Variants in SMG6 observed in about 807,000 individuals in gnomAD.
The protein encoded by SMG6 is telomerase-binding protein EST1A.
Under a neutral mutation model 142.2 loss-of-function variants are expected in SMG6, and 66 were observed. The observed-to-expected ratio is 0.46, with a 90% confidence interval of 0.38 to 0.57. The LOEUF (loss-of-function observed/expected upper bound fraction) is 0.57, where lower values mean the gene tolerates loss of function less well. Ranked by LOEUF, SMG6 falls within the 20% of genes least tolerant of loss-of-function variation. The probability of loss-of-function intolerance (pLI) is 0.00; values close to 1 mark genes in which losing one functional copy is unlikely to be tolerated. For missense variants in SMG6, 1,793 were observed against 1,832.0 expected (o/e 0.98, Z 0.39); for synonymous variants, 779 against 702.4 (o/e 1.11, Z -1.72).
intron 13 of SMG6, among the ~76,000 whole-genome samples, chr17:2,172,447 G>GCA (rs146996258): frequency 1.6e-4 from 24 of 151,478 alleles, no homozygotes; most frequent in Non-Finnish European, 1.5e-5. Flanking sequence ...ATGCCAGCAA[G>GCA]CACACACACA....
chr17:2,227,122 G>A (rs916423549), intron 10 of SMG6, among the ~76,000 whole-genome samples: 1 of 152,194 alleles, frequency 6.6e-6, no homozygotes, highest in African/African-American at 2.4e-5. Flanking sequence ...TCTCACTGCT[G>A]GAGGGAATAT....
Position 2,258,038 on chromosome 17 carries a change from TACACACACAC to T in SMG6, c.2662-13329_2662-13320del, listed in dbSNP as rs869173398. On this transcript the variant is annotated intron_variant, in intron 8 of 18. Coordinates refer to ENST00000263073, the MANE Select transcript of SMG6 (RefSeq NM_017575.5). Reference sequence around the variant, plus strand: ...AAAAAAAAAAAAAAAAAAAAAAATATACACACACACACACACACACACACACACATATATA... The same window carrying T: ...AAAAAAAAAAAAAAAAAAAAAAATATACACACACACACACACACATATATA... 9.0e-5 allele frequency among the ~76,000 whole-genome samples: 8 copies of T among 89,288 alleles called. 1 individual carries two copies. Among genetic ancestry groups the T allele is most frequent in the Admixed American group, 2.6e-4 (2 of 7,684 alleles). The allele number at this position is 89,288 out of a possible 152,430, so 58.6% of individuals were successfully genotyped here. A position where few individuals can be genotyped will look rare whatever the true frequency, so the allele number is the denominator to read the frequency against.
intron 10 of SMG6, among the ~76,000 whole-genome samples, chr17:2,199,101 G>C (rs1226610271): frequency 2.6e-5 from 4 of 152,130 alleles, no homozygotes; most frequent in African/African-American, 9.7e-5. Context: ...TGAAGGTGAT[G>C]AGAAAGTGAA....
intron 12 of SMG6, among the ~76,000 whole-genome samples, chr17:2,181,180 A>G (rs2071795105): frequency 6.6e-6 from 1 of 152,248 alleles, no homozygotes; most frequent in African/African-American, 2.4e-5. Flanking sequence ...CAATCTCTCA[A>G]CCAGAGTATT....
intron 10 of SMG6, among the ~76,000 whole-genome samples, chr17:2,224,691 T>C (rs2073267005): frequency 6.6e-6 from 1 of 151,484 alleles, no homozygotes; most frequent in Non-Finnish European, 1.5e-5. Context: ...AAAAAGACAC[T>C]AAGAGTTTTC....
intron 12 of SMG6, among the ~76,000 whole-genome samples, chr17:2,178,664 T>C (rs933535146): frequency 2.6e-5 from 4 of 152,140 alleles, no homozygotes; most frequent in African/African-American, 7.2e-5. Flanking sequence ...GCCCCCAATA[T>C]GTTCGGGGTC....
In SMG6 at chr17:2,300,000, CCTT is replaced by C. The variant is rs1484044327; in HGVS notation, c.750_752del (p.Arg251del). ...TGGTGCTGCGCGTGCGGTAGCGATT[CCTT>C]CGTTTGTCTGAGCGGGAGTAGCGCT... On this transcript the variant is annotated inframe_deletion, in exon 2 of 19. Transcript: ENST00000263073. This position sits in a 1 kb window ranked among gnomAD's most constrained non-coding sequence, Gnocchi z 4.3. 1 of 1,614,038 alleles carries C rather than the reference CCTT, an allele frequency of 6.2e-7. No homozygotes were observed. The highest frequency in any genetic ancestry group is 1.3e-5 in the African/African-American group (1 of 74,946).
intron 8 of SMG6, among the ~76,000 whole-genome samples, chr17:2,260,851 C>T (rs929173795): frequency 2.0e-5 from 3 of 151,612 alleles, no homozygotes; most frequent in African/African-American, 7.3e-5. Flanking sequence ...CAAAAATTAG[C>T]TGGGTGTGAT....
chr17:2,183,800 C>T (rs1343660716), intron 12 of SMG6, among the ~76,000 whole-genome samples: 3 of 150,526 alleles, frequency 2.0e-5, no homozygotes, highest in Non-Finnish European at 4.4e-5. Context: ...ACAGCAGAGG[C>T]AGACGAAAGC....
intron 10 of SMG6, among the ~76,000 whole-genome samples, chr17:2,233,810 C>A (rs979950244): frequency 6.6e-6 from 1 of 152,140 alleles, no homozygotes; most frequent in African/African-American, 2.4e-5. Flanking sequence ...CCAGCCCTGC[C>A]GAGCACTCTG....
chr17:2,254,170 T>TGGGAACTCTCATGCCC (rs2074111283), intron 8 of SMG6, among the ~76,000 whole-genome samples: 2 of 152,196 alleles, frequency 1.3e-5, no homozygotes, highest in African/African-American at 2.4e-5. Context: ...CTCTCATGCC[T>TGGGAACTCTCATGCCC]GGGAACTCTC....
At chr17:2,241,766 T>A (rs1197850386) in intron 9 of SMG6, among the ~76,000 whole-genome samples, 1 of 152,216 alleles carries the variant, frequency 6.6e-6, no homozygotes, top group African/African-American at 2.4e-5. Context: ...TATAAGAATT[T>A]TAGAAGTGGA....
At chr17:2,261,322 A>G (rs1171625513) in intron 8 of SMG6, among the ~76,000 whole-genome samples, 1 of 152,192 alleles carries the variant, frequency 6.6e-6, no homozygotes, top group African/African-American at 2.4e-5. Context: ...TCAAAAAAAA[A>G]AAAAGGGAAG....
At chr17:2,275,716 T>C (rs879140770) in intron 8 of SMG6, among the ~76,000 whole-genome samples, 2 of 152,176 alleles carry the variant, frequency 1.3e-5, no homozygotes, top group Admixed American at 1.3e-4. Context: ...GCAGAAGATA[T>C]AGCCACTAAA....
At chr17:2,136,625 CA>C (rs1163707328) in intron 13 of SMG6, among the ~76,000 whole-genome samples, 6 of 152,038 alleles carry the variant, frequency 3.9e-5, no homozygotes, top group Non-Finnish European at 5.9e-5. Context: ...AAGTCAAACT[CA>C]GGGAAAACTT....
chr17:2,121,562 T>C (rs1597420130), intron 13 of SMG6, among the ~76,000 whole-genome samples: 1 of 134,746 alleles, frequency 7.4e-6, no homozygotes, highest in African/African-American at 2.9e-5. Context: ...CACACACACA[T>C]ATATGTATAT....
intron 13 of SMG6, among the ~76,000 whole-genome samples, chr17:2,154,374 C>T (rs916270624): frequency 1.3e-5 from 2 of 151,926 alleles, no homozygotes; most frequent in Non-Finnish European, 2.9e-5. Flanking sequence ...TAGAGTGTGA[C>T]GGGGCTGAGG....
intron 10 of SMG6, chr17:2,199,725 T>A (rs1427319900): frequency 6.6e-6 from 1 of 151,368 alleles, no homozygotes; most frequent in Non-Finnish European, 1.5e-5. Flanking sequence ...TGGGCCACCG[T>A]GGCGAAACCC....
At chr17:2,291,883 T>C (rs2151395157) in intron 6 of SMG6, among the ~76,000 whole-genome samples, 1 of 146,092 alleles carries the variant, frequency 6.8e-6, no homozygotes, top group Non-Finnish European at 1.5e-5. Context: ...AGAGAGACAA[T>C]TTTCTCCTTG....
Sources: gnomAD v4.1 joint callset for allele counts (sites outside exome capture counted in the v4.1 genomes callset) on GRCh38, gnomAD v4.1.1 for gene constraint, Gnocchi (gnomAD v3.1) non-coding constraint, MANE v1.5 for transcripts, NCBI Gene and HGNC (gene_info 2026-07-23, HGNC 2026-07-21) for gene names.